The following SREK1 variants were observed in gnomAD, a reference collection of about 807,000 sequenced individuals.
SREK1 encodes splicing regulatory glutamine/lysine-rich protein 1.
Under a neutral mutation model 66.5 loss-of-function variants are expected in SREK1, and 13 were observed. The ratio of observed to expected loss-of-function variants is 0.20; its 90% CI spans 0.13 to 0.31. SREK1 has a LOEUF of 0.31. Among genes scored for constraint, SREK1 ranks in the 10% least tolerant of loss-of-function variants. SREK1 has a pLI of 1.00. For missense variants in SREK1, 607 were observed against 769.6 expected (o/e 0.79, Z 2.50); for synonymous variants, 265 against 263.5 (o/e 1.01, Z -0.05).
intron 7 of SREK1, chr5:66,167,427 G>T (rs1745265190): frequency 6.6e-6 from 1 of 152,158 alleles, no homozygotes; most frequent in South Asian, 2.1e-4. Context: ...GAACTTTGAT[G>T]CAGCATAATG....
At chr5:66,163,951 A>G (rs769957784) in intron 6 of SREK1, 29 bp downstream of exon 6, 4 of 1,604,790 alleles carry the variant, frequency 2.5e-6, no homozygotes, top group Non-Finnish European at 2.6e-6. Flanking sequence ...TACATAGGTC[A>G]TAGTTTAAAG....
At position 66,179,077 on chromosome 5, in the gene SREK1, C is replaced by T; in HGVS notation, c.*209C>T. 1 of 420,198 alleles carries T rather than the reference C, an allele frequency of 2.4e-6. No individual in the cohort carries two copies. The highest frequency in any genetic ancestry group is 3.9e-5 in the East Asian group (1 of 25,686). 26.0% of individuals were successfully genotyped at this position (420,198 alleles called of 1,614,324 possible). ...ATGAAAATAACAGATGTTACCCAAA[C>T]TCATCTTCTAAAATCTGTGCATTTC... On this transcript the variant is annotated 3_prime_UTR_variant, in exon 12 of 12. Transcript: ENST00000334121.
chr5:66,170,898 A>C lies in SREK1; in HGVS notation c.1435A>C (p.Thr479Pro). 1.9e-6 allele frequency: 3 copies of C among 1,613,544 alleles called. No individual in the cohort carries two copies. Among genetic ancestry groups the C allele is most frequent in the South Asian group, 1.1e-5 (1 of 90,966 alleles). ...AAGAAAGAAGGATAAAAAATCCAGA[A>C]CACCACCCAGGAGTTACAATGCATC... is the stretch of plus-strand genomic sequence containing the variant. Reference protein sequence around the residue: ...EKRKKDKKSRTPPRSYNASRR... With the variant: ...EKRKKDKKSRPPPRSYNASRR... The change falls in exon 9 of 12, where the codon ACA (threonine) becomes CCA (proline). Residue 479 changes from threonine (T) to proline (P), a missense_variant. Thr to Pro is a conservative substitution (Grantham distance 38, BLOSUM62 -1). This residue lies in a region of SREK1 where 318 missense variants were observed against 310.3 expected (regional missense o/e 1.02). Coordinates refer to ENST00000334121, the MANE Select transcript of SREK1 (RefSeq NM_001077199.3).
chr5:66,167,321 C>G (rs1745255801), intron 7 of SREK1: 1 of 152,070 alleles, frequency 6.6e-6, no homozygotes, highest in Non-Finnish European at 1.5e-5. Flanking sequence ...ATGGATAGTA[C>G]TATAATTGTT....
rs569372232 is a variant in SREK1, at chr5:66,151,020, T to TATAA, written c.162-2442_162-2441insTAAA. ...CACACCCAGCTAATTTTTGTATTTTTAGTAGAGATGGGGTTTCATCATGTT... is the reference window on the plus strand; with the variant it reads ...CACACCCAGCTAATTTTTGTATTTTTATAAAGTAGAGATGGGGTTTCATCATGTT... On this transcript the variant is annotated intron_variant, in intron 1 of 11. Transcript: ENST00000334121. Among the ~76,000 whole-genome samples the TATAA allele has an allele frequency of 4.8e-3, 737 of 152,216 alleles. 5 individuals are homozygous for TATAA. Among genetic ancestry groups the TATAA allele is most frequent in the Non-Finnish European group, 7.0e-3 (478 of 68,000 alleles).
intron 11 of SREK1, 133 bp from the exon 12 acceptor site, chr5:66,178,586 G>T (rs1052832838): frequency 1.3e-5 from 10 of 759,518 alleles, no homozygotes; most frequent in African/African-American, 8.7e-5. Flanking sequence ...TATTCATTTT[G>T]TGTGAAAACG....
At position 66,179,555 on chromosome 5, in the gene SREK1, T is replaced by C. The variant is rs1252985389; in HGVS notation, c.*687T>C. On this transcript the variant is annotated 3_prime_UTR_variant, in exon 12 of 12. Transcript: ENST00000334121. ...GAAGAGCAACCGTGTTGAATACTAA[T>C]AATGATGAATTAGTATTCAGTGTTT... The C allele has an allele frequency of 6.6e-6, 1 of 152,560 alleles. No individual in the cohort carries two copies. The highest frequency in any genetic ancestry group is 1.5e-5 in the Non-Finnish European group (1 of 67,978). 9.5% of individuals were successfully genotyped at this position (152,560 alleles called of 1,614,324 possible).
At chr5:66,167,295 T>C (rs1460030184) in intron 7 of SREK1, 1 of 152,168 alleles carries the variant, frequency 6.6e-6, no homozygotes, top group Non-Finnish European at 1.5e-5. Context: ...GTTTTATTTA[T>C]TGAGACATAG....
chr5:66,157,759 G>A (rs1472571933), intron 2 of SREK1: 1 of 904,744 alleles, frequency 1.1e-6, no homozygotes, highest in African/African-American at 1.8e-5. Context: ...TATAAACTTA[G>A]ATGCTGCAAA....
chr5:66,159,453 G>T, intron 3 of SREK1, 119 bp downstream of exon 3: 1 of 822,668 alleles, frequency 1.2e-6, no homozygotes, highest in South Asian at 3.7e-5. Flanking sequence ...TTAATAGAGA[G>T]GATTCGAAAT....
rs538605097 is a variant in SREK1, at chr5:66,170,861, G to T, written c.1398G>T (p.Glu466Asp). 41 of 1,613,528 alleles carry T rather than the reference G, an allele frequency of 2.5e-5. No individual in the cohort carries two copies. In the South Asian group the frequency reaches 4.0e-4, roughly 16 times the overall value. The change falls in exon 9 of 12, where the codon GAG (glutamate) becomes GAT (aspartate). Residue 466 changes from glutamate (E) to aspartate (D), a missense_variant. Transcript: ENST00000334121. ...EKEREKDRSK[E>D]IDEKRKKDKK... ...AACGAGAAAAAGACAGATCCAAAGAGATAGATGAAAAAAGAAAGAAGGATA... is the reference window on the plus strand; with the variant it reads ...AACGAGAAAAAGACAGATCCAAAGATATAGATGAAAAAAGAAAGAAGGATA...
Position 66,183,297 on chromosome 5 carries a change from G to C in SREK1, c.*4429G>C, listed in dbSNP as rs1377996610. The C allele has an allele frequency of 6.6e-6, 1 of 152,064 alleles. No homozygotes were observed. Among genetic ancestry groups the C allele is most frequent in the Non-Finnish European group, 1.5e-5 (1 of 68,002 alleles). The allele number at this position is 152,064 out of a possible 1,614,324, so 9.4% of individuals were successfully genotyped here. A position where few individuals can be genotyped will look rare whatever the true frequency, so the allele number is the denominator to read the frequency against. On this transcript the variant is annotated 3_prime_UTR_variant, in exon 12 of 12. Transcript: ENST00000334121. ...ATAGGTTGATTTCAACCATTTTGAGGGTACTGGTAGGTAACACACTGTTGG... is the reference window on the plus strand; with the variant it reads ...ATAGGTTGATTTCAACCATTTTGAGCGTACTGGTAGGTAACACACTGTTGG...
At chr5:66,169,201 G>T (rs1201163744) in intron 7 of SREK1, 1 of 152,194 alleles carries the variant, frequency 6.6e-6, no homozygotes, top group East Asian at 1.9e-4. Flanking sequence ...GAGAAAGGGG[G>T]CCTAGTCCAA....
Position 66,159,035 on chromosome 5 carries a change from T to C in SREK1, c.296-184T>C. The C allele has an allele frequency of 2.1e-6, 3 of 1,421,930 alleles. No individual in the cohort carries two copies. In the South Asian group the frequency reaches 4.4e-5, roughly 21 times the overall value. The allele number at this position is 1,421,930 out of a possible 1,614,324, so 88.1% of individuals were successfully genotyped here. A position where few individuals can be genotyped will look rare whatever the true frequency, so the allele number is the denominator to read the frequency against. On this transcript the variant is annotated intron_variant, in intron 2 of 11. Coordinates refer to ENST00000334121, the MANE Select transcript of SREK1 (RefSeq NM_001077199.3). The stretch of plus-strand genomic sequence containing the variant: ...TAATATTTGAAGTTTTGCTCACTTT[T>C]ATTTTTCCTAGTAGAGCAGGATAAA...
intron 1 of SREK1, chr5:66,145,025 G>T (rs1029254350): frequency 1.1e-5 from 11 of 986,310 alleles, no homozygotes; most frequent in African/African-American, 1.7e-5. Context: ...TGGAACTGGG[G>T]CTGTGTTTGT....
Position 66,159,334 on chromosome 5 carries a change from T to G in SREK1, c.411T>G (p.Thr137=). 6.2e-7 allele frequency: 1 copy of G among 1,606,976 alleles called. No homozygotes were observed. Among genetic ancestry groups the G allele is most frequent in the Non-Finnish European group, 8.5e-7 (1 of 1,176,932 alleles). Residue 137 remains threonine (T), a splice_region_variant and synonymous_variant, in exon 3 of 12, where the codon ACT becomes ACG. Coordinates refer to ENST00000334121, the MANE Select transcript of SREK1 (RefSeq NM_001077199.3). ...LPIPTPNPLT[T]LGVSLSSLGA... ...TACCGACCCCAAATCCTTTGACTACTGTAAGTACTATAAGCTGGCTTATGA... is the reference window on the plus strand; with the variant it reads ...TACCGACCCCAAATCCTTTGACTACGGTAAGTACTATAAGCTGGCTTATGA...
At chr5:66,147,737 C>T (rs1468940221) in intron 1 of SREK1, among the ~76,000 whole-genome samples, 3 of 152,186 alleles carry the variant, frequency 2.0e-5, no homozygotes, top group Non-Finnish European at 4.4e-5. Flanking sequence ...CACTTGTGAT[C>T]CCACCACTCT....
intron 1 of SREK1, 84 bp from the exon 2 acceptor site, chr5:66,153,379 A>G (rs1744015677): frequency 9.8e-6 from 15 of 1,523,050 alleles, no homozygotes; most frequent in Non-Finnish European, 1.1e-5. Flanking sequence ...AGATTATGTA[A>G]AGGTTAAGAA....
intron 1 of SREK1, 103 bp from the exon 2 acceptor site, chr5:66,153,360 A>G (rs1744013130): frequency 6.9e-7 from 1 of 1,443,426 alleles, no homozygotes; most frequent in Non-Finnish European, 9.3e-7. Context: ...TTAAAGTCTT[A>G]ATTTCGTAAG....
Sources: gnomAD v4.1 joint callset for allele counts (sites outside exome capture counted in the v4.1 genomes callset) on GRCh38, gnomAD v4.1.1 for gene constraint, gnomAD v4.1.1 regional missense constraint, MANE v1.5 for transcripts, NCBI Gene and HGNC (gene_info 2026-07-23, HGNC 2026-07-21) for gene names.